Variants in ACBD6 observed in about 807,000 individuals in gnomAD.
ACBD6 encodes the protein acyl-CoA-binding domain-containing protein 6.
Under a neutral mutation model 37.2 loss-of-function variants are expected in ACBD6, and 28 were observed. The observed-to-expected ratio is 0.75, with a 90% CI of 0.56 to 1.03. ACBD6 has a LOEUF of 1.03. Among genes scored for constraint, ACBD6 ranks in the 50% least tolerant of loss-of-function variants. The pLI is 0.00. For synonymous variants in ACBD6, 113 were observed against 126.8 expected, an observed-to-expected ratio of 0.89 and a Z score of 0.73; for missense variants, 340 against 337.4, an observed-to-expected ratio of 1.01 and a Z score of -0.06.
At chr1:180,448,828 CA>C (rs1649580883) in intron 3 of ACBD6, among the ~76,000 whole-genome samples, 1 of 152,154 alleles carries the variant, frequency 6.6e-6, no homozygotes, top group Admixed American at 6.5e-5. Context: ...TGTTTTCTTT[CA>C]TTTTTTTTAA....
At chr1:180,432,439 A>G (rs1648850040) in intron 3 of ACBD6, among the ~76,000 whole-genome samples, 1 of 152,172 alleles carries the variant, frequency 6.6e-6, no homozygotes, top group Non-Finnish European at 1.5e-5. Context: ...AAAACGAGTA[A>G]AAGATCTAAA....
chr1:180,339,726 T>C lies in ACBD6; in HGVS notation c.664-25004A>G, dbSNP rs1307905184. ...ATACTTATTGAGTATCAACTACGTG[T>C]TAGGCACTGTTCTAAGGACAGCAAA... On this transcript the variant is annotated intron_variant, in intron 6 of 7. Transcript: ENST00000367595. 3.3e-5 allele frequency among the ~76,000 whole-genome samples: 5 copies of C among 151,628 alleles called. No individual in the cohort carries two copies. In the East Asian group the frequency reaches 9.8e-4, roughly 30 times the overall value.
intron 6 of ACBD6, among the ~76,000 whole-genome samples, chr1:180,391,742 G>A (rs1459854301): frequency 6.6e-6 from 1 of 152,054 alleles, no homozygotes; most frequent in Admixed American, 6.6e-5. Context: ...AAAACAACAA[G>A]CAGTTCCTCA....
intron 6 of ACBD6, among the ~76,000 whole-genome samples, chr1:180,372,896 A>G (rs1260032429): frequency 6.6e-6 from 1 of 152,286 alleles, no homozygotes; most frequent in Non-Finnish European, 1.5e-5. Flanking sequence ...ACTTGTATCC[A>G]AGCCAGATAT....
At chr1:180,310,772 C>T (rs933204133) in intron 7 of ACBD6, among the ~76,000 whole-genome samples, 1 of 152,180 alleles carries the variant, frequency 6.6e-6, no homozygotes, top group Non-Finnish European at 1.5e-5. Context: ...ACAGTTGACA[C>T]TCTCATCAGC....
downstream of ACBD6, among the ~76,000 whole-genome samples, chr1:180,285,882 A>G (rs556295607): frequency 2.0e-5 from 3 of 152,222 alleles, no homozygotes; most frequent in South Asian, 2.1e-4. Context: ...CCTGACAAGC[A>G]TAAGAGATTA....
chr1:180,467,623 C>A (rs1469308884), intron 3 of ACBD6, among the ~76,000 whole-genome samples: 1 of 151,954 alleles, frequency 6.6e-6, no homozygotes, highest in Non-Finnish European at 1.5e-5. Context: ...TGCACCGCAG[C>A]TGGGTGACAG....
intron 6 of ACBD6, among the ~76,000 whole-genome samples, chr1:180,354,145 C>G (rs914306412): frequency 7.9e-5 from 12 of 152,352 alleles, no homozygotes; most frequent in African/African-American, 1.4e-4. Context: ...TCCGATTGTT[C>G]CCCAGTGGGG....
At chr1:180,394,012 A>C (rs1242206968) in intron 6 of ACBD6, among the ~76,000 whole-genome samples, 2 of 152,252 alleles carry the variant, frequency 1.3e-5, no homozygotes, top group Non-Finnish European at 2.9e-5. Context: ...GAAATCCGCA[A>C]GGCAAAAACC....
chr1:180,494,380 G>GT (rs1651644820), intron 2 of ACBD6, among the ~76,000 whole-genome samples: 1 of 152,042 alleles, frequency 6.6e-6, no homozygotes, highest in Non-Finnish European at 1.5e-5. Flanking sequence ...TTAACATCAG[G>GT]TATTCTTTAG....
At chr1:180,457,210 C>T (rs1333544758) in intron 3 of ACBD6, among the ~76,000 whole-genome samples, 2 of 152,044 alleles carry the variant, frequency 1.3e-5, no homozygotes, top group African/African-American at 4.8e-5. Context: ...GAAATTTACT[C>T]AGGCAGTAAA....
intron 6 of ACBD6, among the ~76,000 whole-genome samples, chr1:180,386,601 CTGT>C (rs1375658148): frequency 2.0e-5 from 3 of 152,054 alleles, no homozygotes; most frequent in Non-Finnish European, 4.4e-5. Flanking sequence ...CCTGGAGCCT[CTGT>C]TAATTTCTTT....
chr1:180,289,522 C>G (rs1029975257), intron 7 of ACBD6, among the ~76,000 whole-genome samples: 5 of 152,160 alleles, frequency 3.3e-5, no homozygotes, highest in Non-Finnish European at 5.9e-5. Flanking sequence ...CTATTTTAGA[C>G]AACACTAGAG....
intron 6 of ACBD6, among the ~76,000 whole-genome samples, chr1:180,337,205 G>A (rs1325241994): frequency 6.6e-6 from 1 of 152,030 alleles, no homozygotes; most frequent in African/African-American, 2.4e-5. Context: ...AACAAAAAAA[G>A]AGAATTTTAG....
At chr1:180,272,277 C>T (rs1430284628) in intron 13 of ACBD6, among the ~76,000 whole-genome samples, 1 of 152,146 alleles carries the variant, frequency 6.6e-6, no homozygotes, top group Non-Finnish European at 1.5e-5. Context: ...CTCCTGCTGA[C>T]TGGGGCCTCC....
At chr1:180,336,768 TAAAG>T (rs769673991) in intron 6 of ACBD6, among the ~76,000 whole-genome samples, 11 of 151,286 alleles carry the variant, frequency 7.3e-5, no homozygotes, top group Non-Finnish European at 1.5e-4. Context: ...GCAAGACTAA[TAAAG>T]AAGAAAAGAG....
At chr1:180,437,284 T>C (rs1649081195) in intron 3 of ACBD6, among the ~76,000 whole-genome samples, 1 of 152,118 alleles carries the variant, frequency 6.6e-6, no homozygotes, top group African/African-American at 2.4e-5. Context: ...TGGTAAGAAA[T>C]TCTGGAGACC....
At chr1:180,325,626 T>A (rs1343980419) in intron 6 of ACBD6, among the ~76,000 whole-genome samples, 1 of 152,206 alleles carries the variant, frequency 6.6e-6, no homozygotes, top group African/African-American at 2.4e-5. Context: ...TGATTGTGGA[T>A]AGTCATTGGC....
chr1:180,334,817 G>A (rs1651636384), intron 6 of ACBD6, among the ~76,000 whole-genome samples: 1 of 152,132 alleles, frequency 6.6e-6, no homozygotes, highest in South Asian at 2.1e-4. Flanking sequence ...AGTCCTTAAA[G>A]GACCTGATGG....
Sources: gnomAD v4.1 joint callset for allele counts (sites outside exome capture counted in the v4.1 genomes callset) on GRCh38, gnomAD v4.1.1 for gene constraint, MANE v1.5 for transcripts, NCBI Gene and HGNC (gene_info 2026-07-23, HGNC 2026-07-21) for gene names.